Variants in PTH2R observed in about 807,000 individuals in gnomAD.
PTH2R encodes the protein parathyroid hormone 2 receptor.
A neutral mutation model predicts 60.3 loss-of-function variants in PTH2R; 59 were observed. The observed-to-expected ratio is 0.98, with a 90% CI of 0.79 to 1.22. The LOEUF (loss-of-function observed/expected upper bound fraction) is 1.22. Ranked by LOEUF, PTH2R falls within the 50% of genes most tolerant of loss-of-function variation. The probability of loss-of-function intolerance (pLI) is 0.00; values close to 1 mark genes in which losing one functional copy is unlikely to be tolerated. For synonymous variants in PTH2R, 256 were observed against 243.8 expected (o/e 1.05, Z -0.47); for missense variants, 749 against 682.6 (o/e 1.10, Z -1.08).
chr2:208,438,274 C>T (rs1702116966), intron 4 of PTH2R, among the ~76,000 whole-genome samples: 1 of 152,116 alleles, frequency 6.6e-6, no homozygotes, highest in South Asian at 2.1e-4. Context: ...AGGACCTTTG[C>T]ATTTTAGAGG....
chr2:208,419,681 A>G (rs1438981077), intron 1 of PTH2R, among the ~76,000 whole-genome samples: 1 of 152,164 alleles, frequency 6.6e-6, no homozygotes, highest in Non-Finnish European at 1.5e-5. Flanking sequence ...TCTTTAATCC[A>G]TCTTGAATTA....
chr2:208,444,656 G>T (rs909870378), intron 6 of PTH2R, 78 bp from the exon 7 acceptor site: 2 of 1,398,716 alleles, frequency 1.4e-6, no homozygotes, highest in Non-Finnish European at 1.9e-6. Context: ...CTGAAGACTT[G>T]TTTTTTAGTG....
chr2:208,419,597 C>A (rs1701710202), intron 1 of PTH2R, among the ~76,000 whole-genome samples: 1 of 152,268 alleles, frequency 6.6e-6, no homozygotes, highest in South Asian at 2.1e-4. Flanking sequence ...AAGTCCTTGC[C>A]CGTGCCTATG....
chr2:208,412,217 C>T (rs901974052), intron 1 of PTH2R, among the ~76,000 whole-genome samples: 21 of 152,208 alleles, frequency 1.4e-4, no homozygotes, highest in Admixed American at 1.2e-3. Flanking sequence ...TGCTTTTGCT[C>T]AAAATTTGTT....
At chr2:208,406,639 C>T (rs958943595), upstream of PTH2R, among the ~76,000 whole-genome samples, 2 of 152,164 alleles carry the variant, frequency 1.3e-5, no homozygotes, top group Non-Finnish European at 2.9e-5. Context: ...GCAGCAGCGA[C>T]ATGAGATCCT....
chr2:208,379,872 AAG>A (rs377714091), intron 1 of PTH2R, among the ~76,000 whole-genome samples: 5 of 151,782 alleles, frequency 3.3e-5, no homozygotes, highest in African/African-American at 1.2e-4. Context: ...AAAAAAAAAA[AAG>A]AGAGAGAGAC....
intron 1 of PTH2R, among the ~76,000 whole-genome samples, chr2:208,421,838 C>A (rs1574858244): frequency 2.0e-5 from 3 of 152,100 alleles, no homozygotes; most frequent in African/African-American, 7.2e-5. Flanking sequence ...ATATGAGAAA[C>A]CCTGAATTCC....
At chr2:208,488,803 G>A (rs1703330756) in intron 10 of PTH2R, among the ~76,000 whole-genome samples, 1 of 152,198 alleles carries the variant, frequency 6.6e-6, no homozygotes, top group Admixed American at 6.5e-5. Context: ...CTTGAGCTCA[G>A]GAGGTCGACA....
At chr2:208,458,001 G>A (rs770158701) in intron 8 of PTH2R, among the ~76,000 whole-genome samples, 7 of 152,086 alleles carry the variant, frequency 4.6e-5, no homozygotes, top group Admixed American at 6.6e-5. Flanking sequence ...TCAATACTGG[G>A]TTTTGTGAAA....
intron 9 of PTH2R, among the ~76,000 whole-genome samples, chr2:208,473,149 TA>T (rs1014260374): frequency 2.0e-5 from 3 of 152,226 alleles, no homozygotes; most frequent in African/African-American, 7.2e-5. Context: ...GAGAAAGTTT[TA>T]TTTTGGTCCT....
Position 208,406,971 on chromosome 2 carries a change from C to G in PTH2R, c.-73C>G. The G allele has an allele frequency of 1.5e-6, 2 of 1,296,364 alleles. No individual in the cohort carries two copies. The highest frequency in any genetic ancestry group is 2.0e-6 in the Non-Finnish European group (2 of 992,920). 80.3% of individuals were successfully genotyped at this position (1,296,364 alleles called of 1,614,324 possible). On this transcript the variant is annotated 5_prime_UTR_variant, in exon 1 of 13. Coordinates refer to ENST00000272847, the MANE Select transcript of PTH2R (RefSeq NM_005048.4). ...GGCCACAAGTTTGCTCTGGGCCAGC[C>G]AAGTTGGCAACTTGGAAGCTTCTCC...
At chr2:208,427,018 A>G (rs549809446) in intron 1 of PTH2R, among the ~76,000 whole-genome samples, 2 of 152,232 alleles carry the variant, frequency 1.3e-5, no homozygotes, top group South Asian at 4.1e-4. Flanking sequence ...ATCCCTATAA[A>G]AAGGCTGCGT....
At chr2:208,403,094 A>G (rs2105826137), upstream of PTH2R, among the ~76,000 whole-genome samples, 1 of 152,360 alleles carries the variant, frequency 6.6e-6, no homozygotes, top group East Asian at 1.9e-4. Flanking sequence ...CTGGATGCAA[A>G]TATTTTGCAG....
Position 208,494,018 on chromosome 2 carries a change from G to A in PTH2R, c.*359G>A, listed in dbSNP as rs1049867428. On this transcript the variant is annotated 3_prime_UTR_variant, in exon 13 of 13. Coordinates refer to ENST00000272847, the MANE Select transcript of PTH2R (RefSeq NM_005048.4). Reference sequence around the variant, plus strand: ...CTAAATATAATGAAGATCTTTTAGTGTGTATCATTTTCCTTTTAGAAACTA... The same window carrying A: ...CTAAATATAATGAAGATCTTTTAGTATGTATCATTTTCCTTTTAGAAACTA... 1 of 168,432 alleles carries A rather than the reference G, an allele frequency of 5.9e-6. No individual in the cohort carries two copies. Among genetic ancestry groups the A allele is most frequent in the East Asian group, 1.7e-4 (1 of 6,050 alleles). 10.4% of individuals were successfully genotyped at this position (168,432 alleles called of 1,614,324 possible). A position where few individuals can be genotyped will look rare whatever the true frequency, so the allele number is the denominator to read the frequency against.
At chr2:208,481,219 C>CTTTTT in intron 10 of PTH2R, 55 bp downstream of exon 10, 3 of 835,122 alleles carry the variant, frequency 3.6e-6, no homozygotes, top group East Asian at 3.1e-5. Context: ...TATTTCTTTC[C>CTTTTT]TTTTTTTTTT....
At chr2:208,488,182 A>G (rs937609073) in intron 10 of PTH2R, among the ~76,000 whole-genome samples, 1 of 152,198 alleles carries the variant, frequency 6.6e-6, no homozygotes, top group Admixed American at 6.5e-5. Flanking sequence ...GTTTGCCAAA[A>G]AGACAGACAA....
intron 1 of PTH2R, among the ~76,000 whole-genome samples, chr2:208,409,813 C>A (rs1701503077): frequency 6.6e-6 from 1 of 152,116 alleles, no homozygotes; most frequent in Non-Finnish European, 1.5e-5. Flanking sequence ...CAGATTATCA[C>A]ATGGTAATGA....
chr2:208,443,464 AG>A lies in PTH2R; in HGVS notation c.627del (p.Glu209AspfsTer5), dbSNP rs766721885. 5.0e-6 allele frequency: 8 copies of A among 1,613,746 alleles called. No individual in the cohort carries two copies. In the African/African-American group the frequency reaches 1.1e-4, roughly 22 times the overall value. On this transcript the variant is annotated frameshift_variant, in exon 6 of 13. Coordinates refer to ENST00000272847, the MANE Select transcript of PTH2R (RefSeq NM_005048.4). LOFTEE classifies it high-confidence loss of function. ...RVVHAHIGVK[E>X]LESLIMQDDP... is the part of the protein sequence containing the mutation. ...GTCCATGCTCACATAGGAGTAAAGG[AG>A]CTGGAGTCCCTAATAATGCAGGATG...
At position 208,443,481 on chromosome 2, in the gene PTH2R, A is replaced by G; in HGVS notation, c.643A>G (p.Met215Val). ...AGTAAAGGAGCTGGAGTCCCTAATA[A>G]TGCAGGATGACCCACAAAATTCCAT... ...IGVKELESLI[M>V]QDDPQNSIEA... Residue 215 changes from methionine to valine, a missense_variant, in exon 6 of 13, where the codon ATG (methionine) becomes GTG (valine). By Grantham distance (21) the Met-to-Val change is conservative (BLOSUM62 1). Coordinates refer to ENST00000272847, the MANE Select transcript of PTH2R (RefSeq NM_005048.4). 1 of 1,613,278 alleles carries G rather than the reference A, an allele frequency of 6.2e-7. No homozygotes were observed. Among genetic ancestry groups the G allele is most frequent in the East Asian group, 2.2e-5 (1 of 44,844 alleles).
Sources: allele counts gnomAD v4.1 joint callset (sites outside exome capture counted in the v4.1 genomes callset), GRCh38; gene constraint gnomAD v4.1.1; transcripts MANE v1.5; gene names NCBI Gene and HGNC (gene_info 2026-07-23, HGNC 2026-07-21).